Variants in ZNF469 observed in about 807,000 individuals in gnomAD.
ZNF469 encodes zinc finger protein 469.
ZNF469 carries 1 observed loss-of-function variant against 1.0 expected under a neutral mutation model. The observed-to-expected ratio is 1.00, with a 90% CI of 0.35 to 4.73. The LOEUF (loss-of-function observed/expected upper bound fraction) is 4.73, where lower values mean the gene tolerates loss of function less well. ZNF469 is among the 30% of genes most tolerant of loss of function. The probability of loss-of-function intolerance (pLI) is 0.16; values close to 1 mark genes in which losing one functional copy is unlikely to be tolerated. For synonymous variants in ZNF469, 2,703 were observed against 2,363.4 expected (o/e 1.14, Z -4.17); for missense variants, 6,100 against 5,356.3 (o/e 1.14, Z -4.33).
At chr16:88,316,545 C>CTTTTTTTT in the ZNF469 span, among the ~76,000 whole-genome samples, 1,310 of 100,894 alleles carry the variant, frequency 0.013, 120 homozygotes, top group East Asian at 0.023. Context: ...TAGGTGCTGT[C>CTTTTTTTT]TTTTTTTTTT....
At chr16:88,260,063 C>A in the ZNF469 span, among the ~76,000 whole-genome samples, 2 of 151,884 alleles carry the variant, frequency 1.3e-5, no homozygotes, top group Non-Finnish European at 2.9e-5. This position sits in a 1 kb window ranked among gnomAD's most constrained non-coding sequence, Gnocchi z 4.1. Context: ...CTGAAACCTC[C>A]GCCTCCCGGG....
At chr16:88,265,455 G>A in the ZNF469 span, among the ~76,000 whole-genome samples, 2 of 152,190 alleles carry the variant, frequency 1.3e-5, no homozygotes, top group African/African-American at 2.4e-5. Context: ...TGAGGGCTGC[G>A]GCACAGAGGG....
the ZNF469 span, among the ~76,000 whole-genome samples, chr16:88,125,732 G>T: frequency 2.0e-5 from 3 of 152,132 alleles, no homozygotes; most frequent in Non-Finnish European, 4.4e-5. Flanking sequence ...TTATCCCTAA[G>T]AATTTTATGA....
the ZNF469 span, among the ~76,000 whole-genome samples, chr16:88,148,164 T>G: frequency 6.6e-6 from 1 of 152,118 alleles, no homozygotes; most frequent in Non-Finnish European, 1.5e-5. Flanking sequence ...AATGGGGCTT[T>G]CCCCCAGTTC....
the ZNF469 span, among the ~76,000 whole-genome samples, chr16:88,110,578 GC>G: frequency 6.6e-6 from 1 of 152,238 alleles, no homozygotes; most frequent in Non-Finnish European, 1.5e-5. Context: ...CTGACTTCAG[GC>G]CCGTCTCTGC....
At chr16:88,151,310 G>A in the ZNF469 span, among the ~76,000 whole-genome samples, 1 of 152,236 alleles carries the variant, frequency 6.6e-6, no homozygotes, top group South Asian at 2.1e-4. This position sits in a 1 kb window ranked among gnomAD's most constrained non-coding sequence, Gnocchi z 5.4. Context: ...AGCCAGGAGC[G>A]TCCACGTGGT....
At chr16:88,130,204 G>A in the ZNF469 span, among the ~76,000 whole-genome samples, 1 of 152,196 alleles carries the variant, frequency 6.6e-6, no homozygotes. Context: ...CAGGAAACGG[G>A]AGGCCAAGCT....
intron 1 of ZNF469, among the ~76,000 whole-genome samples, chr16:88,392,035 C>T (rs1399986732): frequency 6.6e-6 from 1 of 152,212 alleles, no homozygotes; most frequent in Non-Finnish European, 1.5e-5. Context: ...CATACAATAT[C>T]TTATGCAGGC....
At chr16:88,351,023 C>T in the ZNF469 span, among the ~76,000 whole-genome samples, 6 of 152,230 alleles carry the variant, frequency 3.9e-5, no homozygotes, top group East Asian at 1.9e-4. Flanking sequence ...AGCAGCAAGG[C>T]GACCTGCCGC....
rs1311338498 is a variant in ZNF469 at position 88,424,682 on chromosome 16, C to T, written c.-191-125C>T. 2.0e-5 allele frequency among the ~76,000 whole-genome samples: 3 copies of T among 152,216 alleles called. No individual in the cohort carries two copies. The highest frequency in any genetic ancestry group is 4.2e-4 in the South Asian group (2 of 4,814). On this transcript the variant is annotated intron_variant, in intron 1 of 2. Transcript: ENST00000565624. The surrounding 1 kb of genome is among the most constrained non-coding windows in gnomAD (Gnocchi z 4.3). ...CTCCCGGTGGCTCTTGGTGGCTTCC[C>T]GGTGCCCTGAGGCCACAGCCGGCTC...
intron 1 of ZNF469, among the ~76,000 whole-genome samples, chr16:88,396,037 C>T (rs901562400): frequency 1.3e-5 from 2 of 152,250 alleles, no homozygotes; most frequent in Non-Finnish European, 2.9e-5. Context: ...AGGGCGGACA[C>T]GGGACCATCT....
chr16:88,275,864 G>A, the ZNF469 span, among the ~76,000 whole-genome samples: 1 of 152,186 alleles, frequency 6.6e-6, no homozygotes, highest in African/African-American at 2.4e-5. Context: ...AGGGGAAGGT[G>A]TCTCCCCAGC....
chr16:88,433,783 C>A lies in ZNF469; in HGVS notation c.6313C>A (p.Pro2105Thr). ...GCTGGCCACAGGGGATAGCCCAGCA[C>A]CCTCTGTCGGGGACCTGGCCGCCTG... Reference protein sequence around the residue: ...PLLATGDSPAPSVGDLAACAP... With the variant: ...PLLATGDSPATSVGDLAACAP... Residue 2105 changes from proline (P) to threonine (T), a missense_variant, in exon 3 of 3, where the codon CCC (proline) becomes ACC (threonine). Physicochemically the swap from Pro to Thr is conservative, Grantham distance 38. Transcript: ENST00000565624. 6.5e-7 allele frequency: 1 copy of A among 1,549,698 alleles called. No individual in the cohort carries two copies. The highest frequency in any genetic ancestry group is 8.7e-7 in the Non-Finnish European group (1 of 1,146,882).
At chr16:88,313,000 TTGACTCTGCAGCC>T in the ZNF469 span, among the ~76,000 whole-genome samples, 1 of 152,228 alleles carries the variant, frequency 6.6e-6, no homozygotes, top group Non-Finnish European at 1.5e-5. Context: ...AAGGAGCTGA[TTGACTCTGCAGCC>T]TGATCTAGGG....
chr16:88,336,940 T>C, the ZNF469 span, among the ~76,000 whole-genome samples: 2 of 152,220 alleles, frequency 1.3e-5, no homozygotes, highest in African/African-American at 4.8e-5. Flanking sequence ...AGCAGAATCA[T>C]GCTGTGTTTG....
the ZNF469 span, among the ~76,000 whole-genome samples, chr16:88,200,327 A>G: frequency 6.6e-6 from 1 of 152,204 alleles, no homozygotes; most frequent in Non-Finnish European, 1.5e-5. Context: ...GTGTCTGGGC[A>G]CTGCCTGGGT....
At chr16:88,183,969 G>C in the ZNF469 span, among the ~76,000 whole-genome samples, 1 of 151,966 alleles carries the variant, frequency 6.6e-6, no homozygotes, top group Admixed American at 6.5e-5. Flanking sequence ...GCTCTTCCTT[G>C]CCACCCCAGC....
the ZNF469 span, among the ~76,000 whole-genome samples, chr16:88,233,434 G>A: frequency 6.6e-6 from 1 of 152,236 alleles, no homozygotes; most frequent in East Asian, 1.9e-4. Flanking sequence ...TCCTGGCCTG[G>A]GCCGTGGGCT....
At chr16:88,122,779 G>A in the ZNF469 span, among the ~76,000 whole-genome samples, 28 of 134,122 alleles carry the variant, frequency 2.1e-4, no homozygotes, top group Non-Finnish European at 3.6e-4. Context: ...TTAGCTCTGT[G>A]TGTATATATA....
Sources: allele counts gnomAD v4.1 joint callset (sites outside exome capture counted in the v4.1 genomes callset), GRCh38; gene constraint gnomAD v4.1.1; non-coding constraint Gnocchi (gnomAD v3.1); transcripts MANE v1.5; gene names NCBI Gene and HGNC (gene_info 2026-07-23, HGNC 2026-07-21).